EMP2: variants seen among roughly 807,000 people sequenced by gnomAD.
EMP2 encodes the protein epithelial membrane protein 2.
In EMP2, 19 loss-of-function variants were observed where a neutral mutation model predicts 13.7. The observed-to-expected ratio is 1.38, with a 90% CI of 0.97 to 2.03. EMP2 has a LOEUF of 2.03. Among genes scored for constraint, EMP2 ranks in the 30% most tolerant of loss-of-function variants. The pLI, the probability that EMP2 is intolerant of heterozygous loss-of-function variation, is 0.00. For missense variants in EMP2, 253 were observed against 220.7 expected (o/e 1.15, Z -0.93); for synonymous variants, 97 against 84.7 (o/e 1.15, Z -0.80).
intron 1 of EMP2, among the ~76,000 whole-genome samples, chr16:10,566,399 G>C (rs1299496579): frequency 1.3e-5 from 2 of 152,158 alleles, no homozygotes; most frequent in African/African-American, 4.8e-5. Context: ...TAGGAACTAA[G>C]CTGCAGACCT....
chr16:10,536,515 C>A (rs112177691), intron 4 of EMP2, among the ~76,000 whole-genome samples: 2 of 152,244 alleles, frequency 1.3e-5, no homozygotes, highest in African/African-American at 4.8e-5. Context: ...CTCTCTTTCC[C>A]GCTGCCATGT....
At chr16:10,575,620 C>T (rs1368462823) in intron 1 of EMP2, among the ~76,000 whole-genome samples, 1 of 152,020 alleles carries the variant, frequency 6.6e-6, no homozygotes, top group Non-Finnish European at 1.5e-5. Context: ...ACTGTATTGC[C>T]AAAGCCTGCA....
chr16:10,564,394 G>A (rs1293975232), intron 1 of EMP2, among the ~76,000 whole-genome samples: 1 of 151,468 alleles, frequency 6.6e-6, no homozygotes, highest in Non-Finnish European at 1.5e-5. Flanking sequence ...GGGAGGCTGA[G>A]GCAGGAGAAT....
intron 3 of EMP2, among the ~76,000 whole-genome samples, chr16:10,541,093 G>GA (rs71133367): frequency 4.8e-4 from 69 of 142,916 alleles, no homozygotes; most frequent in Middle Eastern, 3.7e-3. Context: ...GATTCAAACG[G>GA]AAAAAAAAAA....
At chr16:10,559,725 A>G (rs2050858580) in intron 1 of EMP2, among the ~76,000 whole-genome samples, 1 of 152,184 alleles carries the variant, frequency 6.6e-6, no homozygotes, top group African/African-American at 2.4e-5. Flanking sequence ...CCCAGGCTAG[A>G]GTGCCATGGT....
chr16:10,558,087 T>G (rs2050845339), intron 1 of EMP2, among the ~76,000 whole-genome samples: 1 of 151,124 alleles, frequency 6.6e-6, no homozygotes, highest in South Asian at 2.1e-4. Context: ...TGGAGTGCAG[T>G]GGCTCAAACA....
intron 4 of EMP2, among the ~76,000 whole-genome samples, chr16:10,534,277 C>A (rs999357660): frequency 1.3e-5 from 2 of 152,116 alleles, no homozygotes; most frequent in African/African-American, 4.8e-5. Flanking sequence ...AAGAGGTCAA[C>A]ACCAACACTA....
chr16:10,555,024 T>C (rs190793428), intron 1 of EMP2, among the ~76,000 whole-genome samples: 7 of 152,294 alleles, frequency 4.6e-5, no homozygotes, highest in Admixed American at 3.9e-4. Context: ...TTTGCTATCA[T>C]TGTCCAGTTC....
intron 1 of EMP2, among the ~76,000 whole-genome samples, chr16:10,569,068 G>A (rs1030232350): frequency 3.3e-5 from 5 of 152,208 alleles, no homozygotes; most frequent in African/African-American, 2.4e-5. Context: ...GATTACAGGC[G>A]TGAGCCACCG....
intron 3 of EMP2, among the ~76,000 whole-genome samples, chr16:10,539,536 T>A (rs1460071743): frequency 6.6e-6 from 1 of 152,030 alleles, no homozygotes; most frequent in Admixed American, 6.6e-5. Context: ...GTGGTTGCCC[T>A]CGGGGCAGAA....
rs984856799 is a variant in EMP2, at chr16:10,529,148, A to T, written c.*3757T>A. 1 of 152,228 alleles carries T rather than the reference A, an allele frequency of 6.6e-6. No homozygotes were observed. Among genetic ancestry groups the T allele is most frequent in the Non-Finnish European group, 1.5e-5 (1 of 68,036 alleles). 9.4% of individuals were successfully genotyped at this position (152,228 alleles called of 1,614,324 possible). A position where few individuals can be genotyped will look rare whatever the true frequency, so the allele number is the denominator to read the frequency against. On this transcript the variant is annotated 3_prime_UTR_variant, in exon 5 of 5. Transcript: ENST00000359543. ...GTCTGTCTCCATCACATAGCCCCTC[A>T]ATGAAAGAATTACAGTACTTTATAA...
intron 4 of EMP2, among the ~76,000 whole-genome samples, chr16:10,536,635 G>A (rs889520976): frequency 3.9e-5 from 6 of 152,130 alleles, no homozygotes; most frequent in Non-Finnish European, 4.4e-5. Flanking sequence ...CCAGTCTCGG[G>A]TATGTCTTTA....
In EMP2 at chr16:10,570,259, TCTGTCACCCAGG is replaced by T. The variant is rs1488998497; in HGVS notation, c.-61+10278_-61+10289del. On this transcript the variant is annotated intron_variant, in intron 1 of 4. Transcript: ENST00000359543. ...TTTTTTTTTAAAGACAGAGTCTCAC[TCTGTCACCCAGG>T]CTGGAGTGCAGTGGTGCAATCACAG... Among the ~76,000 whole-genome samples the T allele has an allele frequency of 2.1e-4, 31 of 147,122 alleles. 1 individual carries two copies. The highest frequency in any genetic ancestry group is 7.0e-4 in the African/African-American group (28 of 39,950).
At chr16:10,553,007 C>G (rs143930470) in intron 1 of EMP2, among the ~76,000 whole-genome samples, 1 of 152,220 alleles carries the variant, frequency 6.6e-6, no homozygotes, top group Non-Finnish European at 1.5e-5. Context: ...TAAAGGTCTC[C>G]TATGACATCT....
intron 1 of EMP2, chr16:10,558,876 C>T (rs2050851919): frequency 6.6e-6 from 1 of 152,264 alleles, no homozygotes; most frequent in Non-Finnish European, 1.5e-5. Flanking sequence ...TCCATTCCCG[C>T]CCTCGGGAGT....
intron 1 of EMP2, among the ~76,000 whole-genome samples, chr16:10,571,869 A>G (rs1313177042): frequency 1.3e-5 from 2 of 152,206 alleles, no homozygotes; most frequent in African/African-American, 2.4e-5. Flanking sequence ...GTAGTGGTGT[A>G]TACTGAGAGG....
intron 3 of EMP2, 130 bp downstream of exon 3, chr16:10,543,440 C>T (rs746827550): frequency 5.8e-5 from 59 of 1,012,336 alleles, no homozygotes; most frequent in Non-Finnish European, 7.8e-5. Flanking sequence ...ACTGAGCAAA[C>T]GCGGCCAGGC....
chr16:10,559,095 C>T (rs916488403), intron 1 of EMP2: 2 of 152,358 alleles, frequency 1.3e-5, no homozygotes, highest in Non-Finnish European at 1.5e-5. Context: ...GGCCCAGAAC[C>T]CTGGGGAGGG....
intron 1 of EMP2, among the ~76,000 whole-genome samples, chr16:10,569,890 G>A (rs958406727): frequency 6.6e-6 from 1 of 152,292 alleles, no homozygotes; most frequent in Middle Eastern, 3.4e-3. Context: ...ACTCGGGCCT[G>A]ATGTGGCTCC....
Sources: allele counts gnomAD v4.1 joint callset (sites outside exome capture counted in the v4.1 genomes callset), GRCh38; gene constraint gnomAD v4.1.1; transcripts MANE v1.5; gene names NCBI Gene and HGNC (gene_info 2026-07-23, HGNC 2026-07-21).